PLEKHG7: variants seen among roughly 807,000 people sequenced by gnomAD.
PLEKHG7 encodes the protein pleckstrin homology domain-containing family G member 7.
A neutral mutation model predicts 85.2 loss-of-function variants in PLEKHG7; 77 were observed. That is an observed-to-expected ratio of 0.90 (90% CI 0.75 to 1.09). PLEKHG7 has a LOEUF of 1.09. Ranked by LOEUF, PLEKHG7 falls within the 50% of genes least tolerant of loss-of-function variation. The probability of loss-of-function intolerance (pLI) is 0.00; values close to 1 mark genes in which losing one functional copy is unlikely to be tolerated. For synonymous variants in PLEKHG7, 301 were observed against 302.4 expected, an observed-to-expected ratio of 1.00 and a Z score of 0.05; for missense variants, 777 against 804.3, an observed-to-expected ratio of 0.97 and a Z score of 0.41.
chr12:92,754,511 GT>G (rs1255601791), intron 11 of PLEKHG7, among the ~76,000 whole-genome samples: 2 of 152,194 alleles, frequency 1.3e-5, no homozygotes, highest in Non-Finnish European at 2.9e-5. Context: ...GTCTCCAAGT[GT>G]TTCAGAAGTG....
chr12:92,744,062 A>G (rs1010479982), intron 9 of PLEKHG7, among the ~76,000 whole-genome samples: 2 of 152,154 alleles, frequency 1.3e-5, no homozygotes, highest in African/African-American at 4.8e-5. Flanking sequence ...ATTGCTCCCT[A>G]TAGTGTTTTG....
At chr12:92,758,316 A>G (rs573964104) in intron 13 of PLEKHG7, among the ~76,000 whole-genome samples, 1 of 152,364 alleles carries the variant, frequency 6.6e-6, no homozygotes, top group East Asian at 1.9e-4. Context: ...TTGCAAAGGC[A>G]AAACCAGGAG....
intron 7 of PLEKHG7, among the ~76,000 whole-genome samples, chr12:92,738,546 T>C (rs1223473104): frequency 6.6e-6 from 1 of 152,234 alleles, no homozygotes; most frequent in Non-Finnish European, 1.5e-5. Context: ...TTTCAGGCTA[T>C]ATAGTTTTTG....
intron 10 of PLEKHG7, among the ~76,000 whole-genome samples, chr12:92,753,250 T>A (rs1316403259): frequency 6.6e-6 from 1 of 152,164 alleles, no homozygotes; most frequent in Non-Finnish European, 1.5e-5. Flanking sequence ...TGTACCCATC[T>A]GCATGCTGGC....
chr12:92,769,795 C>T (rs1873347822), intron 16 of PLEKHG7, among the ~76,000 whole-genome samples: 1 of 152,184 alleles, frequency 6.6e-6, no homozygotes, highest in Non-Finnish European at 1.5e-5. Context: ...CATATATTCT[C>T]AGTGCTCATT....
intron 9 of PLEKHG7, among the ~76,000 whole-genome samples, chr12:92,744,665 T>G (rs904326889): frequency 2.0e-5 from 3 of 151,608 alleles, no homozygotes; most frequent in Admixed American, 1.3e-4. Flanking sequence ...TCTTTTTTTT[T>G]TTTTTGTTTT....
At chr12:92,745,356 A>G (rs1872501821) in intron 9 of PLEKHG7, 122 bp from the exon 10 acceptor site, 6 of 645,736 alleles carry the variant, frequency 9.3e-6, no homozygotes, top group Non-Finnish European at 1.4e-5. Flanking sequence ...CTGCTTGATC[A>G]TGGCGACTCC....
In PLEKHG7 at chr12:92,754,296, A is replaced by G. The variant is rs1323428734; in HGVS notation, c.1426+32A>G. ...CCCTGAGATAAGTGAGCTTAATTACAGAATTGTGGCCTTGTGACTCCTGGA... is the reference window on the plus strand; with the variant it reads ...CCCTGAGATAAGTGAGCTTAATTACGGAATTGTGGCCTTGTGACTCCTGGA... On this transcript the variant is annotated intron_variant, in intron 11 of 16. Coordinates refer to ENST00000344636, the MANE Select transcript of PLEKHG7 (RefSeq NM_001377329.1). 3 of 1,603,400 alleles carry G rather than the reference A, an allele frequency of 1.9e-6. No individual in the cohort carries two copies. In the South Asian group the frequency reaches 3.3e-5, roughly 18 times the overall value.
At chr12:92,740,755 A>C (rs781519569) in intron 7 of PLEKHG7, 98 bp from the exon 8 acceptor site, 2 of 740,860 alleles carry the variant, frequency 2.7e-6, no homozygotes, top group Non-Finnish European at 4.5e-6. Flanking sequence ...TTGTTTTGTA[A>C]AGTTACACCC....
At chr12:92,767,619 A>C (rs976361621) in intron 15 of PLEKHG7, among the ~76,000 whole-genome samples, 3 of 152,106 alleles carry the variant, frequency 2.0e-5, no homozygotes, top group Non-Finnish European at 4.4e-5. Context: ...GAATTTGGGA[A>C]TTATGATGTT....
At position 92,767,497 on chromosome 12, in the gene PLEKHG7, C is replaced by CT. The variant is rs59965480; in HGVS notation, c.1871-1473dup. 4.4e-3 allele frequency among the ~76,000 whole-genome samples: 650 copies of CT among 147,440 alleles called. 2 individuals carry two copies. Among genetic ancestry groups the CT allele is most frequent in the South Asian group, 9.8e-3 (45 of 4,590 alleles). On this transcript the variant is annotated intron_variant, in intron 15 of 16. Transcript: ENST00000344636. ...GAATTAGAGAGTAAAACACAGCCAG[C>CT]TTTTTTTTTTTTTCCCCAGAAAGTC...
intron 10 of PLEKHG7, among the ~76,000 whole-genome samples, chr12:92,750,479 G>A (rs1872661039): frequency 6.6e-6 from 1 of 152,164 alleles, no homozygotes; most frequent in Non-Finnish European, 1.5e-5. Context: ...ATTGTTACCT[G>A]GAGGAGTTTG....
intron 9 of PLEKHG7, among the ~76,000 whole-genome samples, chr12:92,742,053 A>T (rs572761842): frequency 2.3e-4 from 35 of 152,284 alleles, no homozygotes; most frequent in Non-Finnish European, 5.1e-4. Context: ...GATCAATGTT[A>T]TTTATTTCTT....
chr12:92,740,105 C>A (rs1872305035), intron 7 of PLEKHG7, among the ~76,000 whole-genome samples: 1 of 152,208 alleles, frequency 6.6e-6, no homozygotes, highest in South Asian at 2.1e-4. Context: ...AGAAGGTTAT[C>A]TATCTAAAGC....
intron 5 of PLEKHG7, among the ~76,000 whole-genome samples, chr12:92,735,622 C>T (rs1482446204): frequency 1.3e-5 from 2 of 152,318 alleles, no homozygotes; most frequent in South Asian, 2.1e-4. Flanking sequence ...ATAGCTTCTT[C>T]CTGCTTTGGT....
At chr12:92,752,879 G>A (rs1872728208) in intron 10 of PLEKHG7, among the ~76,000 whole-genome samples, 1 of 152,102 alleles carries the variant, frequency 6.6e-6, no homozygotes, top group African/African-American at 2.4e-5. Context: ...GCCCTTTTGT[G>A]GGTTGCAGAC....
intron 13 of PLEKHG7, among the ~76,000 whole-genome samples, chr12:92,761,481 C>T (rs888338024): frequency 1.3e-5 from 2 of 151,250 alleles, no homozygotes; most frequent in South Asian, 2.1e-4. Flanking sequence ...ATGATTGGAG[C>T]CCCTGGGGTG....
At chr12:92,727,422 C>T (rs948105455) in intron 3 of PLEKHG7, among the ~76,000 whole-genome samples, 8 of 152,098 alleles carry the variant, frequency 5.3e-5, no homozygotes, top group African/African-American at 1.9e-4. Context: ...CCACCTCACC[C>T]CTCCCCACTT....
chr12:92,716,051 T>C (rs1592673625), intron 3 of PLEKHG7, among the ~76,000 whole-genome samples: 2 of 152,294 alleles, frequency 1.3e-5, no homozygotes, highest in East Asian at 3.9e-4. Flanking sequence ...TCAAAAATAC[T>C]GATTCTTCTA....
Sources: allele counts gnomAD v4.1 joint callset (sites outside exome capture counted in the v4.1 genomes callset), GRCh38; gene constraint gnomAD v4.1.1; transcripts MANE v1.5; gene names NCBI Gene and HGNC (gene_info 2026-07-23, HGNC 2026-07-21).